BICC1: variants seen among roughly 807,000 people sequenced by gnomAD.
BICC1 encodes the protein BicC family RNA binding protein 1, also known as protein bicaudal C homolog 1.
BICC1 carries 43 observed loss-of-function variants against 111.0 expected under a neutral mutation model. That is an observed-to-expected ratio of 0.39 (90% confidence interval 0.30 to 0.50). The LOEUF (loss-of-function observed/expected upper bound fraction) is 0.50. BICC1 is among the 20% of genes least tolerant of loss of function. The pLI, the probability that BICC1 is intolerant of heterozygous loss-of-function variation, is 0.88. For synonymous variants in BICC1, 467 were observed against 434.4 expected, an observed-to-expected ratio of 1.07 and a Z score of -0.93; for missense variants, 1,091 against 1,203.2, an observed-to-expected ratio of 0.91 and a Z score of 1.38.
intron 3 of BICC1, among the ~76,000 whole-genome samples, chr10:58,764,293 C>G (rs954757737): frequency 1.3e-5 from 2 of 152,146 alleles, no homozygotes; most frequent in African/African-American, 4.8e-5. Flanking sequence ...GGCCCATAAT[C>G]AGCTTACATA....
chr10:58,652,411 T>C (rs900640271), intron 2 of BICC1, among the ~76,000 whole-genome samples: 1 of 152,156 alleles, frequency 6.6e-6, no homozygotes, highest in Non-Finnish European at 1.5e-5. Flanking sequence ...CTCGTAAATC[T>C]GAACATATAA....
chr10:58,771,695 G>C (rs1208608195), intron 3 of BICC1, among the ~76,000 whole-genome samples: 1 of 152,126 alleles, frequency 6.6e-6, no homozygotes. Context: ...GCAATGGTGA[G>C]TATTTTGGTT....
At chr10:58,776,380 C>T (rs1273045885) in intron 3 of BICC1, among the ~76,000 whole-genome samples, 2 of 152,302 alleles carry the variant, frequency 1.3e-5, no homozygotes, top group Non-Finnish European at 2.9e-5. Context: ...CAGGCAATAC[C>T]TCTGGGACCT....
chr10:58,624,697 G>A (rs1183003436), intron 2 of BICC1, among the ~76,000 whole-genome samples: 1 of 152,146 alleles, frequency 6.6e-6, no homozygotes, highest in East Asian at 1.9e-4. Flanking sequence ...GGGTTCAAGT[G>A]ATTCTCCTGC....
intron 14 of BICC1, among the ~76,000 whole-genome samples, chr10:58,801,605 T>C (rs564658066): frequency 6.2e-5 from 9 of 145,034 alleles, no homozygotes; most frequent in Admixed American, 4.2e-4. Flanking sequence ...TTTTTTTTTT[T>C]CCTCCATGTA....
In BICC1 at chr10:58,544,346, C is replaced by T. The variant is rs1169575954; in HGVS notation, c.190+31013C>T. The stretch of plus-strand genomic sequence containing the variant: ...TGCATGCCATAGTTAAGAATTGTAA[C>T]AATATCACATTCTCAAGTTTACTTA... On this transcript the variant is annotated intron_variant, in intron 1 of 20. Coordinates refer to ENST00000373886, the MANE Select transcript of BICC1 (RefSeq NM_001080512.3). Among the ~76,000 whole-genome samples, 4 of 152,132 alleles carry T rather than the reference C, an allele frequency of 2.6e-5. No homozygotes were observed. The East Asian group carries it at 7.7e-4, about 29-fold the overall frequency.
chr10:58,610,369 C>T (rs1173983435), intron 1 of BICC1, among the ~76,000 whole-genome samples: 1 of 152,054 alleles, frequency 6.6e-6, no homozygotes, highest in Non-Finnish European at 1.5e-5. Context: ...TGAAAAAATG[C>T]CTTGCAATCC....
intron 3 of BICC1, among the ~76,000 whole-genome samples, chr10:58,754,222 A>G (rs1391789013): frequency 6.6e-6 from 1 of 152,000 alleles, no homozygotes; most frequent in Non-Finnish European, 1.5e-5. Context: ...GCCTTTTTTT[A>G]CTCTTGTCTC....
Position 58,831,321 on chromosome 10 carries a change from A to AT in BICC1, c.*2437dup, listed in dbSNP as rs915319795. 1 of 151,982 alleles carries AT rather than the reference A, an allele frequency of 6.6e-6. No homozygotes were observed. The highest frequency in any genetic ancestry group is 1.5e-5 in the Non-Finnish European group (1 of 67,976). The allele number at this position is 151,982 out of a possible 1,614,324, so 9.4% of individuals were successfully genotyped here. A position where few individuals can be genotyped will look rare whatever the true frequency, so the allele number is the denominator to read the frequency against. Reference sequence around the variant, plus strand: ...TCTGTGGGTTTTTGTCCTTTTAGTGATTTTTTTCCAAAAACGAGAGATGGA... The same window carrying AT: ...TCTGTGGGTTTTTGTCCTTTTAGTGATTTTTTTTCCAAAAACGAGAGATGGA... On this transcript the variant is annotated 3_prime_UTR_variant, in exon 21 of 21. Coordinates refer to ENST00000373886, the MANE Select transcript of BICC1 (RefSeq NM_001080512.3).
intron 1 of BICC1, among the ~76,000 whole-genome samples, chr10:58,576,722 G>A (rs908268463): frequency 6.6e-6 from 1 of 152,092 alleles, no homozygotes; most frequent in Non-Finnish European, 1.5e-5. Flanking sequence ...GATCAATACT[G>A]TTACAAAAAA....
At chr10:58,741,945 T>C (rs1372648951) in intron 3 of BICC1, among the ~76,000 whole-genome samples, 2 of 152,204 alleles carry the variant, frequency 1.3e-5, no homozygotes, top group African/African-American at 2.4e-5. Context: ...GAATGGATAA[T>C]CATTTAAGCC....
At chr10:58,533,337 T>TA (rs1283259832) in intron 1 of BICC1, among the ~76,000 whole-genome samples, 1 of 151,888 alleles carries the variant, frequency 6.6e-6, no homozygotes, top group Non-Finnish European at 1.5e-5. Flanking sequence ...TTTCTTCACT[T>TA]AATAATGTAA....
At chr10:58,626,019 C>T (rs1199511124) in intron 2 of BICC1, among the ~76,000 whole-genome samples, 1 of 152,086 alleles carries the variant, frequency 6.6e-6, no homozygotes, top group Non-Finnish European at 1.5e-5. Context: ...AAACACAAAT[C>T]AAATTTAATT....
chr10:58,521,430 TTTA>T, intron 1 of BICC1, among the ~76,000 whole-genome samples: 1 of 152,238 alleles, frequency 6.6e-6, no homozygotes, highest in South Asian at 2.1e-4. Context: ...TTATGCATTT[TTTA>T]TTATTCTCAT....
intron 2 of BICC1, among the ~76,000 whole-genome samples, chr10:58,670,219 G>C (rs191095754): frequency 1.3e-5 from 2 of 152,032 alleles, no homozygotes; most frequent in East Asian, 3.9e-4. Context: ...AAACTAATGC[G>C]CAGAAATATC....
intron 3 of BICC1, among the ~76,000 whole-genome samples, chr10:58,779,977 A>C (rs1306359754): frequency 6.6e-6 from 1 of 152,096 alleles, no homozygotes; most frequent in East Asian, 1.9e-4. Flanking sequence ...CTTTGGAACT[A>C]CTTGCCGACT....
chr10:58,691,469 C>T (rs755089984), intron 2 of BICC1, among the ~76,000 whole-genome samples: 9 of 152,106 alleles, frequency 5.9e-5, no homozygotes, highest in Admixed American at 6.6e-5. Context: ...CATTATAGGC[C>T]GTCATAAATA....
intron 1 of BICC1, among the ~76,000 whole-genome samples, chr10:58,528,829 G>A (rs909683425): frequency 3.3e-5 from 5 of 151,900 alleles, no homozygotes; most frequent in Admixed American, 6.6e-5. Flanking sequence ...TACTTTGAAC[G>A]TGGTGTTAGA....
chr10:58,573,597 G>A (rs1040133795), intron 1 of BICC1, among the ~76,000 whole-genome samples: 7 of 152,052 alleles, frequency 4.6e-5, no homozygotes, highest in African/African-American at 9.7e-5. Flanking sequence ...TTTATTAGGC[G>A]GTGTGTAATA....
Sources: gnomAD v4.1 joint callset for allele counts (sites outside exome capture counted in the v4.1 genomes callset) on GRCh38, gnomAD v4.1.1 for gene constraint, MANE v1.5 for transcripts, NCBI Gene and HGNC (gene_info 2026-07-23, HGNC 2026-07-21) for gene names.